PKP2: variants seen among roughly 807,000 people sequenced by gnomAD.
PKP2 encodes the protein plakophilin-2.
In PKP2, 73 loss-of-function variants were observed where a neutral mutation model predicts 83.4. The ratio of observed to expected loss-of-function variants is 0.88; its 90% confidence interval spans 0.72 to 1.06. PKP2 has a LOEUF of 1.06. Among genes scored for constraint, PKP2 ranks in the 50% least tolerant of loss-of-function variants. The probability of loss-of-function intolerance (pLI) is 0.00; values close to 1 mark genes in which losing one functional copy is unlikely to be tolerated. For synonymous variants in PKP2, 409 were observed against 430.4 expected, an observed-to-expected ratio of 0.95 and a Z score of 0.62; for missense variants, 966 against 1,065.4, an observed-to-expected ratio of 0.91 and a Z score of 1.30.
chr12:32,896,155 T>G (rs777917121), intron 1 of PKP2, among the ~76,000 whole-genome samples: 1 of 152,154 alleles, frequency 6.6e-6, no homozygotes, highest in African/African-American at 2.4e-5. Context: ...AAATTCTGCA[T>G]AGCATCTCAA....
At chr12:32,887,541 C>T (rs1414974354) in intron 1 of PKP2, among the ~76,000 whole-genome samples, 4 of 152,190 alleles carry the variant, frequency 2.6e-5, no homozygotes. Context: ...GAAACCTCTT[C>T]CTCTCAGGAT....
intron 4 of PKP2, among the ~76,000 whole-genome samples, chr12:32,853,851 C>T (rs979389790): frequency 1.8e-4 from 28 of 152,288 alleles, no homozygotes; most frequent in African/African-American, 6.7e-4. Flanking sequence ...GAAAGAAAGG[C>T]CTTGACTGGC....
chr12:32,880,576 G>A (rs1253636874), intron 1 of PKP2, among the ~76,000 whole-genome samples: 4 of 152,114 alleles, frequency 2.6e-5, no homozygotes, highest in Non-Finnish European at 5.9e-5. Context: ...GGAATCACCT[G>A]GCCCCTCTTT....
intron 10 of PKP2, among the ~76,000 whole-genome samples, chr12:32,800,677 T>C (rs1022446409): frequency 3.9e-5 from 6 of 152,238 alleles, no homozygotes; most frequent in African/African-American, 9.6e-5. Context: ...GTTAATTGTA[T>C]TGCAGTACTG....
chr12:32,839,000 A>G (rs1956565911), intron 6 of PKP2, among the ~76,000 whole-genome samples: 1 of 152,222 alleles, frequency 6.6e-6, no homozygotes, highest in African/African-American at 2.4e-5. Flanking sequence ...GAAAATGTTT[A>G]CCAGGCAAAT....
chr12:32,816,742 C>G (rs894785655), intron 9 of PKP2, among the ~76,000 whole-genome samples: 1 of 152,144 alleles, frequency 6.6e-6, no homozygotes, highest in Admixed American at 6.5e-5. Flanking sequence ...AAAGCCTCAC[C>G]AGCATCTGTT....
chr12:32,815,087 C>T lies in PKP2; in HGVS notation c.2013+6269G>A, dbSNP rs567638542. On this transcript the variant is annotated intron_variant, in intron 9 of 12. Transcript: ENST00000340811. ...GGCGAACAATGCATTTGCAGAAGAA[C>T]CAATCTGCAAATTATGGCCTCCAAT... is the stretch of plus-strand genomic sequence containing the variant. Among the ~76,000 whole-genome samples the T allele has an allele frequency of 9.5e-4, 145 of 152,208 alleles. 2 individuals carry two copies. Among genetic ancestry groups the T allele is most frequent in the African/African-American group, 3.4e-3 (140 of 41,538 alleles).
chr12:32,843,138 C>T (rs1468039239), intron 5 of PKP2: 1 of 433,594 alleles, frequency 2.3e-6, no homozygotes, highest in Non-Finnish European at 4.7e-6. Flanking sequence ...GACCACGACA[C>T]CCGGCTAATT....
At chr12:32,817,786 G>A (rs754343151) in intron 9 of PKP2, among the ~76,000 whole-genome samples, 2 of 152,096 alleles carry the variant, frequency 1.3e-5, no homozygotes, top group Admixed American at 6.5e-5. Context: ...TAAGGTATGC[G>A]GTAGTGGGGA....
In PKP2 at chr12:32,862,856, G is replaced by A. The variant is rs528278192; in HGVS notation, c.1170+6071C>T. Among the ~76,000 whole-genome samples, 45 of 152,074 alleles carry A rather than the reference G, an allele frequency of 3.0e-4. 2 individuals carry two copies. Among genetic ancestry groups the A allele is most frequent in the African/African-American group, 1.0e-3 (42 of 41,476 alleles). On this transcript the variant is annotated intron_variant, in intron 4 of 12. Coordinates refer to ENST00000340811, the MANE Select transcript of PKP2 (RefSeq NM_001005242.3). ...TCTACTAAAAATACAAAAATTAGCCGGGCATAGTGGCGGGCACCTGTAATT... is the reference window on the plus strand; with the variant it reads ...TCTACTAAAAATACAAAAATTAGCCAGGCATAGTGGCGGGCACCTGTAATT...
intron 5 of PKP2, among the ~76,000 whole-genome samples, chr12:32,847,590 C>T (rs1956658385): frequency 6.6e-6 from 1 of 152,136 alleles, no homozygotes; most frequent in Non-Finnish European, 1.5e-5. Flanking sequence ...CTACCAGGCA[C>T]CCTAACTCCA....
intron 4 of PKP2, among the ~76,000 whole-genome samples, chr12:32,862,085 C>T (rs933037903): frequency 1.3e-5 from 2 of 152,056 alleles, no homozygotes; most frequent in African/African-American, 2.4e-5. Context: ...TTAGTAGAGA[C>T]AGGGTTTTAC....
At chr12:32,861,429 A>G (rs574542420) in intron 4 of PKP2, among the ~76,000 whole-genome samples, 1 of 152,326 alleles carries the variant, frequency 6.6e-6, no homozygotes, top group South Asian at 2.1e-4. Context: ...ATGTATGAAG[A>G]AAAAATACAC....
rs56079220 is a variant in PKP2 at position 32,866,550 on chromosome 12, CAAAAAAAAAAAAA to C, written c.1170+2364_1170+2376del. Among the ~76,000 whole-genome samples the C allele has an allele frequency of 4.1e-4, 15 of 36,180 alleles. No individual in the cohort carries two copies. The South Asian group carries it at 7.5e-3, about 18-fold the overall frequency. 23.7% of individuals were successfully genotyped at this position (36,180 alleles called of 152,430 possible). ...TGGGCAACAGAGGCAGATCCTTTCTCAAAAAAAAAAAAAAAAAAAAAAAAAAAAAAGTTCAACC... is the reference window on the plus strand; with the variant it reads ...TGGGCAACAGAGGCAGATCCTTTCTCAAAAAAAAAAAAAAAAAGTTCAACC... On this transcript the variant is annotated intron_variant, in intron 4 of 12. Coordinates refer to ENST00000340811, the MANE Select transcript of PKP2 (RefSeq NM_001005242.3).
chr12:32,863,366 T>G, intron 4 of PKP2: 1 of 259,434 alleles, frequency 3.9e-6, no homozygotes, highest in South Asian at 6.1e-5. Flanking sequence ...TGTGCCAAAT[T>G]CCGAAGCAAT....
intron 7 of PKP2, among the ~76,000 whole-genome samples, 164 bp downstream of exon 7, chr12:32,823,881 G>C (rs571320347): frequency 6.6e-6 from 1 of 152,172 alleles, no homozygotes; most frequent in African/African-American, 2.4e-5. Context: ...GATTACAGGC[G>C]TGAGCCACCA....
chr12:32,793,980 G>C (rs1956098193), intron 11 of PKP2, among the ~76,000 whole-genome samples: 1 of 152,098 alleles, frequency 6.6e-6, no homozygotes, highest in African/African-American at 2.4e-5. Flanking sequence ...TCTATCACCT[G>C]ATTAGCACAT....
chr12:32,829,762 C>T (rs911577045), intron 6 of PKP2, among the ~76,000 whole-genome samples: 2 of 151,782 alleles, frequency 1.3e-5, no homozygotes, highest in South Asian at 2.1e-4. Flanking sequence ...CCAAGTTCAA[C>T]GGGTTCTCCT....
At chr12:32,847,263 A>G (rs1956655165) in intron 5 of PKP2, among the ~76,000 whole-genome samples, 1 of 152,160 alleles carries the variant, frequency 6.6e-6, no homozygotes, top group African/African-American at 2.4e-5. Flanking sequence ...AGCCAAAGGG[A>G]GTAATTTAGA....
Sources: allele counts gnomAD v4.1 joint callset (sites outside exome capture counted in the v4.1 genomes callset), GRCh38; gene constraint gnomAD v4.1.1; transcripts MANE v1.5; gene names NCBI Gene and HGNC (gene_info 2026-07-23, HGNC 2026-07-21).